SYNJ2: variants seen among roughly 807,000 people sequenced by gnomAD.
SYNJ2 encodes polyphosphatidylinositol phosphatase SYNJ2.
A neutral mutation model predicts 141.3 loss-of-function variants in SYNJ2; 116 were observed. That is an observed-to-expected ratio of 0.82 (90% confidence interval 0.71 to 0.96). The LOEUF (loss-of-function observed/expected upper bound fraction) is 0.96. SYNJ2 is among the 40% of genes least tolerant of loss of function. The pLI is 0.00. For missense variants in SYNJ2, 1,873 were observed against 1,934.8 expected, an observed-to-expected ratio of 0.97 and a Z score of 0.60; for synonymous variants, 745 against 777.7, an observed-to-expected ratio of 0.96 and a Z score of 0.70.
At position 158,098,325 on chromosome 6, in the gene SYNJ2, T is replaced by TA. The variant is rs1328495802; in HGVS notation, c.*1965dup. 1 of 152,182 alleles carries TA rather than the reference T, an allele frequency of 6.6e-6. No individual in the cohort carries two copies. Among genetic ancestry groups the TA allele is most frequent in the Non-Finnish European group, 1.5e-5 (1 of 68,026 alleles). 9.4% of individuals were successfully genotyped at this position (152,182 alleles called of 1,614,324 possible). A position where few individuals can be genotyped will look rare whatever the true frequency, so the allele number is the denominator to read the frequency against. On this transcript the variant is annotated 3_prime_UTR_variant, in exon 27 of 27. Transcript: ENST00000355585. ...ATGGGACAGAGAATAAAATTTTTGT[T>TA]AAAATATGTGCTCATCTCCTAAGTA... is the stretch of plus-strand genomic sequence containing the variant.
At position 158,054,889 on chromosome 6, in the gene SYNJ2, A is replaced by G. The variant is rs1780779433; in HGVS notation, c.796-78A>G. On this transcript the variant is annotated intron_variant, in intron 5 of 26. Transcript: ENST00000355585. ...CACATGCAGCCTGGCTGGGAGTAAG[A>G]AGGAGAATGGGAAAAACCATGGCCT... 4.7e-6 allele frequency: 7 copies of G among 1,493,580 alleles called. No individual in the cohort carries two copies. In the East Asian group the frequency reaches 7.0e-5, roughly 15 times the overall value. The allele number at this position is 1,493,580 out of a possible 1,614,324, so 92.5% of individuals were successfully genotyped here.
At chr6:158,036,653 A>C (rs1779654579) in intron 4 of SYNJ2, among the ~76,000 whole-genome samples, 1 of 152,222 alleles carries the variant, frequency 6.6e-6, no homozygotes, top group Non-Finnish European at 1.5e-5. Context: ...GGAGAGGATC[A>C]GGAAAAATAA....
At position 158,083,430 on chromosome 6, in the gene SYNJ2, T is replaced by C. The variant is rs749476483; in HGVS notation, c.2867T>C (p.Val956Ala). Reference sequence around the variant, plus strand: ...TGGGTGGCCGCTCTGCCCTCCCAGGTGAAAGGCAGAGCAGTGAAGATTAGA... The same window carrying C: ...TGGGTGGCCGCTCTGCCCTCCCAGGCGAAAGGCAGAGCAGTGAAGATTAGA... Reference protein sequence around the residue: ...LSVLDVDGMKVKGRAVKIRPK... With the variant: ...LSVLDVDGMKAKGRAVKIRPK... Residue 956 changes from valine to alanine, a missense_variant and splice_region_variant, in exon 21 of 27, where the codon GTG becomes GCG. By Grantham distance (64) the Val-to-Ala change is moderately conservative. Coordinates refer to ENST00000355585, the MANE Select transcript of SYNJ2 (RefSeq NM_003898.4). 9 of 1,613,236 alleles carry C rather than the reference T, an allele frequency of 5.6e-6. No individual in the cohort carries two copies. Among genetic ancestry groups the C allele is most frequent in the Non-Finnish European group, 7.6e-6 (9 of 1,179,508 alleles).
chr6:158,033,237 G>A (rs1184515582), intron 3 of SYNJ2, among the ~76,000 whole-genome samples: 3 of 152,176 alleles, frequency 2.0e-5, no homozygotes, highest in Admixed American at 6.5e-5. Context: ...CCTCCTCTAC[G>A]TGACACAGTG....
chr6:158,064,801 G>T (rs764404482), intron 10 of SYNJ2, 25 bp from the exon 11 acceptor site: 1 of 1,610,518 alleles, frequency 6.2e-7, no homozygotes, highest in Admixed American at 1.7e-5. Context: ...CCCCCCTCAC[G>T]GCCTGCGGTC....
chr6:158,078,242 A>G lies in SYNJ2; in HGVS notation c.2528A>G (p.Gln843Arg), dbSNP rs1454285638. The change falls in exon 18 of 27, where the codon CAG (glutamine) becomes CGG (arginine). Residue 843 changes from glutamine (Q) to arginine (R), a missense_variant. Coordinates refer to ENST00000355585, the MANE Select transcript of SYNJ2 (RefSeq NM_003898.4). ...CACACCTGGTCTCCTGGTGCCCTGC[A>G]GTATTATGGTCGTGCGGAGCTACAA... ...VRHTWSPGAL[Q>R]YYGRAELQAS... is the part of the protein sequence containing the mutation. 4 of 1,614,084 alleles carry G rather than the reference A, an allele frequency of 2.5e-6. No individual in the cohort carries two copies. The highest frequency in any genetic ancestry group is 2.2e-5 in the East Asian group (1 of 44,888).
chr6:158,066,191 A>T (rs1278101209), intron 11 of SYNJ2, among the ~76,000 whole-genome samples: 2 of 151,940 alleles, frequency 1.3e-5, no homozygotes. Flanking sequence ...TTCTGGCTTC[A>T]GTTGGGGGTA....
intron 1 of SYNJ2, among the ~76,000 whole-genome samples, chr6:157,994,715 C>T: frequency 6.6e-6 from 1 of 152,218 alleles, no homozygotes; most frequent in East Asian, 1.9e-4. Context: ...TCCAGGCAGA[C>T]CACATAAATG....
chr6:158,091,030 A>T (rs2477811), intron 25 of SYNJ2, among the ~76,000 whole-genome samples: 32,035 of 152,010 alleles, frequency 0.21, 4,229 homozygotes, highest in South Asian at 0.31. Context: ...AAAATAACTA[A>T]AACTAGGCCG....
intron 12 of SYNJ2, 165 bp downstream of exon 12, chr6:158,066,800 G>T: frequency 1.3e-6 from 1 of 757,308 alleles, no homozygotes. Context: ...ATGCTGCCTC[G>T]CAAGTAACTG....
chr6:157,986,545 G>C (rs1300319756), intron 1 of SYNJ2, among the ~76,000 whole-genome samples: 1 of 151,804 alleles, frequency 6.6e-6, no homozygotes, highest in Non-Finnish European at 1.5e-5. Context: ...TGTTGGTCAG[G>C]CTGGTCTCAA....
At chr6:157,983,889 A>C (rs539237518) in intron 1 of SYNJ2, among the ~76,000 whole-genome samples, 3 of 151,928 alleles carry the variant, frequency 2.0e-5, no homozygotes, top group Non-Finnish European at 4.4e-5. Context: ...ATGCAGTGGC[A>C]CAGTCACAGC....
chr6:158,020,700 C>T (rs1409512702), intron 2 of SYNJ2, among the ~76,000 whole-genome samples: 1 of 152,252 alleles, frequency 6.6e-6, no homozygotes, highest in Non-Finnish European at 1.5e-5. Context: ...GTATGTGACC[C>T]TAGCTGTGTG....
intron 1 of SYNJ2, among the ~76,000 whole-genome samples, chr6:157,998,289 C>T (rs1040057193): frequency 6.6e-6 from 1 of 152,232 alleles, no homozygotes; most frequent in African/African-American, 2.4e-5. Flanking sequence ...GCCCTGGGTT[C>T]ACACAGGGGA....
Position 158,040,560 on chromosome 6 carries a change from T to G in SYNJ2, c.712-2756T>G, listed in dbSNP as rs1048574889. The stretch of plus-strand genomic sequence containing the variant: ...AAAAAAAAAAAGGATGTAAGATAAA[T>G]ATTTGGCTATTCAAGATAAGGCCAC... On this transcript the variant is annotated intron_variant, in intron 4 of 26. Transcript: ENST00000355585. The surrounding 1 kb of genome is among the most constrained non-coding windows in gnomAD (Gnocchi z 4.2). Among the ~76,000 whole-genome samples, 1 of 151,286 alleles carries G rather than the reference T, an allele frequency of 6.6e-6. No individual in the cohort carries two copies. Among genetic ancestry groups the G allele is most frequent in the Non-Finnish European group, 1.5e-5 (1 of 67,908 alleles).
intron 25 of SYNJ2, 23 bp downstream of exon 25, chr6:158,089,970 G>A (rs1783331624): frequency 6.5e-7 from 1 of 1,541,018 alleles, no homozygotes; most frequent in Non-Finnish European, 9.0e-7. Context: ...CTGGGGGCAG[G>A]GGAAAAACCA....
intron 1 of SYNJ2, among the ~76,000 whole-genome samples, chr6:157,998,837 G>A (rs770480404): frequency 2.0e-5 from 3 of 152,136 alleles, no homozygotes; most frequent in African/African-American, 4.8e-5. Flanking sequence ...ATCTTCACCC[G>A]GTGAACACAC....
intron 20 of SYNJ2, 109 bp downstream of exon 20, chr6:158,081,619 TTTTTTTTTTTTTTTTTC>T (rs1782690554): frequency 2.0e-5 from 9 of 446,580 alleles, no homozygotes; most frequent in African/African-American, 1.9e-4. Flanking sequence ...TTTTTTTTTT[TTTTTTTTTTTTTTTTTC>T]TCTGAGACAA....
chr6:158,088,034 ATTTTTTTTTTTTTTTTTTTTTTTTTTTTT>A (rs568222551), intron 23 of SYNJ2, among the ~76,000 whole-genome samples: 1,769 of 32,008 alleles, frequency 0.055, 74 homozygotes, highest in African/African-American at 0.14. Flanking sequence ...CTGCTTTGGA[ATTTTTTTTTTTTTTTTTTTTTTTTTTTTT>A]TTTTTTTTTT....
Sources: gnomAD v4.1 joint callset for allele counts (sites outside exome capture counted in the v4.1 genomes callset) on GRCh38, gnomAD v4.1.1 for gene constraint, Gnocchi (gnomAD v3.1) non-coding constraint, MANE v1.5 for transcripts, NCBI Gene and HGNC (gene_info 2026-07-23, HGNC 2026-07-21) for gene names.